Variants in KIF5C observed in about 807,000 individuals in gnomAD.
KIF5C encodes kinesin family member 5C.
A neutral mutation model predicts 125.2 loss-of-function variants in KIF5C; 18 were observed. The ratio of observed to expected loss-of-function variants is 0.14; its 90% CI spans 0.10 to 0.21. KIF5C has a LOEUF of 0.21. Among genes scored for constraint, KIF5C ranks in the 10% least tolerant of loss-of-function variants. KIF5C has a pLI of 1.00. For missense variants in KIF5C, 780 were observed against 1,183.8 expected, an observed-to-expected ratio of 0.66 and a Z score of 5.01; for synonymous variants, 405 against 434.0, an observed-to-expected ratio of 0.93 and a Z score of 0.83.
chr2:148,981,988 T>G (rs1287475272), intron 14 of KIF5C, among the ~76,000 whole-genome samples: 1 of 152,230 alleles, frequency 6.6e-6, no homozygotes. Flanking sequence ...TGACAGTTTA[T>G]GTAAAGCACT....
At chr2:148,901,905 T>C (rs1053109731) in intron 1 of KIF5C, among the ~76,000 whole-genome samples, 1 of 152,034 alleles carries the variant, frequency 6.6e-6, no homozygotes, top group African/African-American at 2.4e-5. Context: ...TCTTAAAGAG[T>C]CAATAGCCCC....
At chr2:148,934,353 C>T (rs1285872254) in intron 3 of KIF5C, among the ~76,000 whole-genome samples, 1 of 151,500 alleles carries the variant, frequency 6.6e-6, no homozygotes, top group Non-Finnish European at 1.5e-5. Flanking sequence ...TCCATATAGA[C>T]ACGCATACCA....
intron 1 of KIF5C, chr2:148,886,010 T>A (rs903571462): frequency 2.0e-5 from 3 of 152,246 alleles, no homozygotes; most frequent in African/African-American, 4.8e-5. Flanking sequence ...CTGAACAACC[T>A]GTCTGGCACC....
rs1378835594 is a variant in KIF5C, at chr2:148,998,498, T to C, written c.2199T>C (p.Asp733=). The C allele has an allele frequency of 2.6e-6, 4 of 1,549,868 alleles. No homozygotes were observed. The East Asian group carries it at 7.3e-5, about 28-fold the overall frequency. The change falls in exon 19 of 26, where the codon GAT becomes GAC. Residue 733 remains aspartate (D), a synonymous_variant. Transcript: ENST00000435030. The part of the protein sequence containing the change: ...DEIEEKQKII[D]EIRDLNQKLQ... ...TTGAGGAGAAGCAGAAAATCATTGA[T>C]GAGATTCGGGAGTGAGTCGGCCCAG...
chr2:148,910,249 C>T (rs1044383012), intron 1 of KIF5C, among the ~76,000 whole-genome samples: 2 of 152,108 alleles, frequency 1.3e-5, no homozygotes, highest in Admixed American at 6.5e-5. Flanking sequence ...TTGTAATTTG[C>T]AATTTGTAAA....
At position 148,973,500 on chromosome 2, in the gene KIF5C, C is replaced by A. The variant is rs761718278; in HGVS notation, c.1282C>A (p.Leu428Met). The A allele has an allele frequency of 6.2e-7, 1 of 1,607,930 alleles. No individual in the cohort carries two copies. Among genetic ancestry groups the A allele is most frequent in the South Asian group, 1.1e-5 (1 of 89,502 alleles). Residue 428 changes from leucine to methionine, a missense_variant, in exon 12 of 26, where the codon CTG becomes ATG. This residue lies in a region of KIF5C where 573 missense variants were observed against 742.6 expected (regional missense o/e 0.77). Transcript: ENST00000435030. ...GGAGATCTCCAGTCTCTACAGACAA[C>A]TGGATGACAAGGTCTGTGGCCAGAG... Reference protein sequence around the residue: ...DEEISSLYRQLDDKDDEINQQ... With the variant: ...DEEISSLYRQMDDKDDEINQQ...
chr2:149,007,929 AG>A (rs1682060551), intron 22 of KIF5C, 33 bp from the exon 23 acceptor site: 4 of 1,535,050 alleles, frequency 2.6e-6, no homozygotes, highest in Non-Finnish European at 3.5e-6. Flanking sequence ...GGTGGGTGAC[AG>A]CCTGTCCTGC....
intron 1 of KIF5C, 30 bp from the exon 2 acceptor site, chr2:148,922,107 C>T: frequency 6.7e-7 from 1 of 1,497,760 alleles, no homozygotes; most frequent in South Asian, 1.2e-5. Context: ...TTTTTTCCAC[C>T]TTTTTCTTCC....
intron 1 of KIF5C, among the ~76,000 whole-genome samples, chr2:148,907,074 GAAAGAA>G (rs1172878843): frequency 6.6e-6 from 1 of 152,048 alleles, no homozygotes; most frequent in Non-Finnish European, 1.5e-5. Flanking sequence ...AAACAGAAAA[GAAAGAA>G]AAAGAAAAAA....
intron 11 of KIF5C, among the ~76,000 whole-genome samples, chr2:148,971,461 G>A (rs910171932): frequency 6.6e-6 from 1 of 152,112 alleles, no homozygotes; most frequent in East Asian, 1.9e-4. Flanking sequence ...TGCACACTAA[G>A]GTTGTTGATG....
intron 25 of KIF5C, among the ~76,000 whole-genome samples, chr2:149,021,765 T>G (rs1682541183): frequency 6.7e-6 from 1 of 149,070 alleles, no homozygotes; most frequent in African/African-American, 2.5e-5. Context: ...CTTTTCTTAG[T>G]GGCTGTTGTA....
rs1216846500 is a variant in KIF5C, at chr2:148,876,966, A to C, written c.126+1223A>C. Among the ~76,000 whole-genome samples the C allele has an allele frequency of 6.6e-6, 1 of 152,082 alleles. No homozygotes were observed. Among genetic ancestry groups the C allele is most frequent in the Non-Finnish European group, 1.5e-5 (1 of 68,016 alleles). ...ACTAACCCCCTCCTCCCCTTCCTCCAGTGGCTGGTGTATTTAGGTCAAGTG... is the reference window on the plus strand; with the variant it reads ...ACTAACCCCCTCCTCCCCTTCCTCCCGTGGCTGGTGTATTTAGGTCAAGTG... On this transcript the variant is annotated intron_variant, in intron 1 of 25. Coordinates refer to ENST00000435030, the MANE Select transcript of KIF5C (RefSeq NM_004522.3). The surrounding 1 kb of genome is among the most constrained non-coding windows in gnomAD (Gnocchi z 4.7).
Position 148,875,930 on chromosome 2 carries a change from G to T in KIF5C, c.126+187G>T, listed in dbSNP as rs1681171408. 1.3e-5 allele frequency among the ~76,000 whole-genome samples: 2 copies of T among 151,804 alleles called. 1 individual carries two copies. Among genetic ancestry groups the T allele is most frequent in the South Asian group, 4.1e-4 (2 of 4,822 alleles). On this transcript the variant is annotated intron_variant, in intron 1 of 25. Transcript: ENST00000435030. The stretch of plus-strand genomic sequence containing the variant: ...GGTTCCCTCCCGGGCGGGTGGAGAG[G>T]CGGCCGGGAGCGGCGGGCCGGGCGG...
chr2:148,927,130 G>C (rs537941153), intron 2 of KIF5C, among the ~76,000 whole-genome samples: 43 of 152,336 alleles, frequency 2.8e-4, no homozygotes, highest in African/African-American at 1.0e-3. Flanking sequence ...TCAGGTGCTT[G>C]ACCCAGTCCT....
chr2:148,910,502 C>G (rs182189377), intron 1 of KIF5C, among the ~76,000 whole-genome samples: 1 of 152,342 alleles, frequency 6.6e-6, no homozygotes, highest in East Asian at 1.9e-4. Context: ...ACCCCAGTCT[C>G]TAACTCTGGA....
intron 8 of KIF5C, among the ~76,000 whole-genome samples, chr2:148,949,617 C>T (rs935488308): frequency 2.0e-5 from 3 of 152,172 alleles, no homozygotes; most frequent in African/African-American, 7.2e-5. Context: ...GGTATTTCAG[C>T]TATTCCACTA....
chr2:148,918,131 T>G (rs1461432842), intron 1 of KIF5C, among the ~76,000 whole-genome samples: 1 of 152,230 alleles, frequency 6.6e-6, no homozygotes. Context: ...AAAATTTAAC[T>G]ATAAAAGTGT....
chr2:148,904,497 A>G (rs185292749), intron 1 of KIF5C, among the ~76,000 whole-genome samples: 1 of 152,290 alleles, frequency 6.6e-6, no homozygotes, highest in Admixed American at 6.5e-5. Flanking sequence ...GTTGGCTATC[A>G]TATTATTTAT....
chr2:148,993,285 C>T (rs1400760881), intron 16 of KIF5C, among the ~76,000 whole-genome samples: 1 of 152,186 alleles, frequency 6.6e-6, no homozygotes, highest in Admixed American at 6.5e-5. Flanking sequence ...ACTGACTTTG[C>T]TGTATGAGAT....
Sources: allele counts gnomAD v4.1 joint callset (sites outside exome capture counted in the v4.1 genomes callset), GRCh38; gene constraint gnomAD v4.1.1; regional missense constraint gnomAD v4.1.1; non-coding constraint Gnocchi (gnomAD v3.1); transcripts MANE v1.5; gene names NCBI Gene and HGNC (gene_info 2026-07-23, HGNC 2026-07-21).